The following ASIC3 variants were observed in gnomAD, a reference collection of about 807,000 sequenced individuals.
The protein encoded by ASIC3 is acid sensing ion channel subunit 3.
In ASIC3, 46 loss-of-function variants were observed where a neutral mutation model predicts 58.6. That is an observed-to-expected ratio of 0.79 (90% CI 0.62 to 1.00). The LOEUF (loss-of-function observed/expected upper bound fraction) is 1.00, where lower values mean the gene tolerates loss of function less well. Among genes scored for constraint, ASIC3 ranks in the 50% least tolerant of loss-of-function variants. The probability of loss-of-function intolerance (pLI) is 0.00; values close to 1 mark genes in which losing one functional copy is unlikely to be tolerated. For missense variants in ASIC3, 770 were observed against 735.0 expected (o/e 1.05, Z -0.55); for synonymous variants, 336 against 300.2 (o/e 1.12, Z -1.23).
In ASIC3 at chr7:151,049,103, A is replaced by T. The variant is rs537752884; in HGVS notation, c.218A>T (p.Gln73Leu). Reference sequence around the variant, plus strand: ...CGCTACTACAGGGAGTTCCACCACCAGACTGCCCTGGATGAGCGAGAAAGC... The same window carrying T: ...CGCTACTACAGGGAGTTCCACCACCTGACTGCCCTGGATGAGCGAGAAAGC... ...RVRYYREFHH[Q>L]TALDERESHR... Residue 73 changes from glutamine (Q) to leucine (L), a missense_variant, in exon 1 of 11, where the codon CAG (glutamine) becomes CTG (leucine). Gln to Leu is a moderately radical substitution (Grantham distance 113). Coordinates refer to ENST00000349064, the MANE Select transcript of ASIC3 (RefSeq NM_004769.4). The T allele has an allele frequency of 9.1e-5, 147 of 1,613,908 alleles. 2 individuals carry two copies. In the East Asian group the frequency reaches 3.1e-3, roughly 34 times the overall value.
In ASIC3 at chr7:151,052,440, C is replaced by G. The variant is rs374555174; in HGVS notation, c.1483C>G (p.Arg495Gly). The change falls in exon 10 of 11, where the codon CGA becomes GGA. Residue 495 changes from arginine (R) to glycine (G), a missense_variant. Physicochemically the swap from Arg to Gly is moderately radical, Grantham distance 125. Coordinates refer to ENST00000349064, the MANE Select transcript of ASIC3 (RefSeq NM_004769.4). This position sits in a 1 kb window ranked among gnomAD's most constrained non-coding sequence, Gnocchi z 5.0. ...NLLQEGLGSH[R>G]TQVPHLSLGP... ...GCTTCAGGAAGGGCTGGGCAGCCAT[C>G]GAACCCAAGTTCCCCACCTCAGCCT... 20 of 1,613,968 alleles carry G rather than the reference C, an allele frequency of 1.2e-5. No homozygotes were observed. In the East Asian group the frequency reaches 3.8e-4, roughly 31 times the overall value.
chr7:151,052,399 C>T lies in ASIC3; in HGVS notation c.1459-17C>T. 1 of 1,613,956 alleles carries T rather than the reference C, an allele frequency of 6.2e-7. No individual in the cohort carries two copies. The highest frequency in any genetic ancestry group is 1.1e-5 in the South Asian group (1 of 91,078). On this transcript the variant is annotated splice_polypyrimidine_tract_variant and intron_variant, in intron 9 of 10. Coordinates refer to ENST00000349064, the MANE Select transcript of ASIC3 (RefSeq NM_004769.4). This position sits in a 1 kb window ranked among gnomAD's most constrained non-coding sequence, Gnocchi z 5.0. Reference sequence around the variant, plus strand: ...GGAGGACCACTCCCCACCTCTGACCCTCTCGTCCTCACACAGCTTCAGGAA... The same window carrying T: ...GGAGGACCACTCCCCACCTCTGACCTTCTCGTCCTCACACAGCTTCAGGAA...
chr7:151,051,004 G>C (rs1396604096), intron 4 of ASIC3, 35 bp from the exon 5 acceptor site: 36 of 1,613,220 alleles, frequency 2.2e-5, no homozygotes, highest in Non-Finnish European at 3.0e-5. Context: ...AGGGAGCTGA[G>C]GCTGCTTCTA....
intron 6 of ASIC3, 105 bp from the exon 7 acceptor site, chr7:151,051,705 T>C: frequency 8.2e-7 from 1 of 1,219,014 alleles, no homozygotes; most frequent in Non-Finnish European, 1.2e-6. Flanking sequence ...GTGCCCGGCC[T>C]CTCCCAGGGT....
chr7:151,051,204 C>A lies in ASIC3; in HGVS notation c.1099C>A (p.Pro367Thr). 1 of 1,587,848 alleles carries A rather than the reference C, an allele frequency of 6.3e-7. No homozygotes were observed. The highest frequency in any genetic ancestry group is 2.3e-5 in the East Asian group (1 of 43,748). Residue 367 changes from proline (P) to threonine (T), a missense_variant, in exon 6 of 11, where the codon CCC becomes ACC. Transcript: ENST00000349064. ...AMLRKDSCAC[P>T]NPCASTRYAK... ...GCTTCGCAAGGACTCGTGCGCCTGC[C>A]CCAACCCGTGCGCCAGCACGCGCTA...
Position 151,050,958 on chromosome 7 carries a change from G to A in ASIC3, c.1009+5G>A, listed in dbSNP as rs918075869. ...GCCGAATGGTGTACATGCCAGGTGA[G>A]GGGCTGGGGTTTTCGTCCCATGGCG... On this transcript the variant is annotated splice_donor_5th_base_variant and intron_variant, in intron 4 of 10. Coordinates refer to ENST00000349064, the MANE Select transcript of ASIC3 (RefSeq NM_004769.4). 12 of 1,613,418 alleles carry A rather than the reference G, an allele frequency of 7.4e-6. No individual in the cohort carries two copies. The highest frequency in any genetic ancestry group is 3.3e-4 in the Middle Eastern group (2 of 6,046).
chr7:151,048,574 C>T lies in ASIC3; in HGVS notation c.-312C>T, dbSNP rs1028027461. On this transcript the variant is annotated 5_prime_UTR_variant, in exon 1 of 11. Transcript: ENST00000349064. ...TCAGCACCGCCGGCTCAGCACCGCT[C>T]CGCAGCCCCTGCCTGCCACGGTCAG... The T allele has an allele frequency of 2.5e-6, 1 of 394,824 alleles. No individual in the cohort carries two copies. Among genetic ancestry groups the T allele is most frequent in the South Asian group, 7.5e-5 (1 of 13,330 alleles). 24.5% of individuals were successfully genotyped at this position (394,824 alleles called of 1,614,324 possible).
In ASIC3 at chr7:151,052,634, C is replaced by G; in HGVS notation, c.1578C>G (p.Tyr526Ter). The G allele has an allele frequency of 1.2e-6, 2 of 1,614,132 alleles. No homozygotes were observed. The highest frequency in any genetic ancestry group is 1.7e-6 in the Non-Finnish European group (2 of 1,180,006). Residue 526 changes from tyrosine (Y) to a stop codon, truncating the protein, a stop_gained, in exon 11 of 11, where the codon TAC (tyrosine) becomes TAG (stop). Transcript: ENST00000349064. LOFTEE classifies it high-confidence loss of function. The surrounding 1 kb of genome is among the most constrained non-coding windows in gnomAD (Gnocchi z 5.0). ...TCTCCGCCTCCCACCGCACCTGCTA[C>G]CTTGTCACACAGCTCTAGACCTGCT... The part of the protein sequence containing the change: ...KTLSASHRTC[Y>*]LVTQL
chr7:151,048,956 G>A lies in ASIC3; in HGVS notation c.71G>A (p.Cys24Tyr), dbSNP rs761527177. Residue 24 changes from cysteine to tyrosine, a missense_variant, in exon 1 of 11, where the codon TGC becomes TAC. By Grantham distance (194) the Cys-to-Tyr change is radical. Transcript: ENST00000349064. ...GACATCCGCGTGTTCGCCAGCAACTGCTCGATGCACGGGCTGGGCCACGTC... is the reference window on the plus strand; with the variant it reads ...GACATCCGCGTGTTCGCCAGCAACTACTCGATGCACGGGCTGGGCCACGTC... ...ASDIRVFASNCSMHGLGHVFG... is the reference protein window; with the variant it reads ...ASDIRVFASNYSMHGLGHVFG... The A allele has an allele frequency of 6.3e-7, 1 of 1,595,020 alleles. No homozygotes were observed. Among genetic ancestry groups the A allele is most frequent in the South Asian group, 1.1e-5 (1 of 89,768 alleles).
Position 151,052,735 on chromosome 7 carries a change from A to G in ASIC3, c.*83A>G. 6.2e-7 allele frequency: 1 copy of G among 1,613,894 alleles called. No individual in the cohort carries two copies. Among genetic ancestry groups the G allele is most frequent in the Non-Finnish European group, 8.5e-7 (1 of 1,179,892 alleles). Reference sequence around the variant, plus strand: ...ACGTAGCTTTTCCGTCTTCACCCCAAATAAAGTCCTAATGCATCAGCCTCA... The same window carrying G: ...ACGTAGCTTTTCCGTCTTCACCCCAGATAAAGTCCTAATGCATCAGCCTCA... On this transcript the variant is annotated 3_prime_UTR_variant, in exon 11 of 11. Coordinates refer to ENST00000349064, the MANE Select transcript of ASIC3 (RefSeq NM_004769.4). The surrounding 1 kb of genome is among the most constrained non-coding windows in gnomAD (Gnocchi z 5.0).
rs1249770930 is a variant in ASIC3, at chr7:151,051,266, C to T, written c.1161C>T (p.Arg387=). 2 of 1,530,668 alleles carry T rather than the reference C, an allele frequency of 1.3e-6. No individual in the cohort carries two copies. The highest frequency in any genetic ancestry group is 2.4e-5 in the South Asian group (2 of 83,166). 94.8% of individuals were successfully genotyped at this position (1,530,668 alleles called of 1,614,324 possible). The change falls in exon 6 of 11, where the codon CGC becomes CGT. Residue 387 remains arginine, a synonymous_variant. Coordinates refer to ENST00000349064, the MANE Select transcript of ASIC3 (RefSeq NM_004769.4). ...KELSMVRIPS[R]AAARFLARKL... ...TCTCCATGGTGCGGATCCCGAGCCG[C>T]GCCGCCGCGCGCTTCCTGGCCCGGA...
chr7:151,049,656 G>A (rs570186016), intron 1 of ASIC3, among the ~76,000 whole-genome samples: 11 of 152,332 alleles, frequency 7.2e-5, no homozygotes, highest in East Asian at 3.9e-4. Flanking sequence ...CACTGACCCC[G>A]GCTGGCCCTA....
chr7:151,051,874 A>G lies in ASIC3; in HGVS notation c.1279A>G (p.Lys427Glu), dbSNP rs745862920. ...ALNYETVEQKKAYEMSELLGD... is the reference protein window; with the variant it reads ...ALNYETVEQKEAYEMSELLGD... ...CAACTATGAGACCGTGGAGCAGAAGAAGGCCTATGAGATGTCAGAGCTGCT... is the reference window on the plus strand; with the variant it reads ...CAACTATGAGACCGTGGAGCAGAAGGAGGCCTATGAGATGTCAGAGCTGCT... The change falls in exon 7 of 11, where the codon AAG becomes GAG. Residue 427 changes from lysine to glutamate, a missense_variant. Lys to Glu is a moderately conservative substitution (Grantham distance 56). Coordinates refer to ENST00000349064, the MANE Select transcript of ASIC3 (RefSeq NM_004769.4). The G allele has an allele frequency of 1.5e-5, 24 of 1,613,742 alleles. No individual in the cohort carries two copies. Among genetic ancestry groups the G allele is most frequent in the Non-Finnish European group, 1.9e-5 (23 of 1,179,930 alleles).
In ASIC3 at chr7:151,052,535, G is replaced by C. The variant is rs778369843; in HGVS notation, c.1518-39G>C. 6.2e-7 allele frequency: 1 copy of C among 1,613,654 alleles called. No individual in the cohort carries two copies. The highest frequency in any genetic ancestry group is 8.5e-7 in the Non-Finnish European group (1 of 1,179,784). On this transcript the variant is annotated intron_variant, in intron 10 of 10. Transcript: ENST00000349064. The surrounding 1 kb of genome is among the most constrained non-coding windows in gnomAD (Gnocchi z 5.0). Reference sequence around the variant, plus strand: ...CAGGGGCAGGCTCAGGACAGTGGGTGTGCCCGTTCCCACCCCAGCACTCTG... The same window carrying C: ...CAGGGGCAGGCTCAGGACAGTGGGTCTGCCCGTTCCCACCCCAGCACTCTG...
At position 151,049,243 on chromosome 7, in the gene ASIC3, G is replaced by A. The variant is rs370369500; in HGVS notation, c.358G>A (p.Ala120Thr). The A allele has an allele frequency of 3.4e-5, 54 of 1,611,936 alleles. No individual in the cohort carries two copies. The highest frequency in any genetic ancestry group is 9.3e-5 in the African/African-American group (7 of 75,008). The change falls in exon 1 of 11, where the codon GCA (alanine) becomes ACA (threonine). Residue 120 changes from alanine (A) to threonine (T), a missense_variant. Coordinates refer to ENST00000349064, the MANE Select transcript of ASIC3 (RefSeq NM_004769.4). Reference sequence around the variant, plus strand: ...GTCTGCGCTGCTGGGCCTGGATCCCGCAGAGCACGCCGCCTTCCTGCGCGC... The same window carrying A: ...GTCTGCGCTGCTGGGCCTGGATCCCACAGAGCACGCCGCCTTCCTGCGCGC... Reference protein sequence around the residue: ...AGSALLGLDPAEHAAFLRALG... With the variant: ...AGSALLGLDPTEHAAFLRALG...
chr7:151,050,487 C>T lies in ASIC3; in HGVS notation c.692C>T (p.Thr231Ile), dbSNP rs780246837. 1 of 1,613,806 alleles carries T rather than the reference C, an allele frequency of 6.2e-7. No homozygotes were observed. The highest frequency in any genetic ancestry group is 2.2e-5 in the East Asian group (1 of 44,874). The change falls in exon 3 of 11, where the codon ACC (threonine) becomes ATC (isoleucine). Residue 231 changes from threonine (T) to isoleucine (I), a missense_variant. Coordinates refer to ENST00000349064, the MANE Select transcript of ASIC3 (RefSeq NM_004769.4). ...ACAGGTCCCTCCCCGACAGAGGAGACCCCGTTTGAGGTGGGGATCCGAGTG... is the reference window on the plus strand; with the variant it reads ...ACAGGTCCCTCCCCGACAGAGGAGATCCCGTTTGAGGTGGGGATCCGAGTG... ...YLPVWRDNEE[T>I]PFEVGIRVQI... is the part of the protein sequence containing the mutation.
At position 151,049,237 on chromosome 7, in the gene ASIC3, G is replaced by C. The variant is rs1464537036; in HGVS notation, c.352G>C (p.Asp118His). ...GGCTGGGTCTGCGCTGCTGGGCCTGGATCCCGCAGAGCACGCCGCCTTCCT... is the reference window on the plus strand; with the variant it reads ...GGCTGGGTCTGCGCTGCTGGGCCTGCATCCCGCAGAGCACGCCGCCTTCCT... The part of the protein sequence containing the change: ...HWAGSALLGL[D>H]PAEHAAFLRA... The change falls in exon 1 of 11, where the codon GAT becomes CAT. Residue 118 changes from aspartate to histidine, a missense_variant. Transcript: ENST00000349064. The C allele has an allele frequency of 6.2e-7, 1 of 1,611,818 alleles. No individual in the cohort carries two copies. The highest frequency in any genetic ancestry group is 8.5e-7 in the Non-Finnish European group (1 of 1,179,090).
rs1272747109 is a variant in ASIC3, at chr7:151,051,293, G to A, written c.1188G>A (p.Lys396=). ...CCGCCGCGCGCTTCCTGGCCCGGAA[G>A]CTCAACCGCAGCGAGGCCTACATCG... ...SRAAARFLAR[K]LNRSEAYIAE... The change falls in exon 6 of 11, where the codon AAG becomes AAA. Residue 396 remains lysine (K), a synonymous_variant. Coordinates refer to ENST00000349064, the MANE Select transcript of ASIC3 (RefSeq NM_004769.4). 2.3e-5 allele frequency: 35 copies of A among 1,523,056 alleles called. No individual in the cohort carries two copies. Among genetic ancestry groups the A allele is most frequent in the Non-Finnish European group, 3.0e-5 (34 of 1,143,528 alleles). The allele number at this position is 1,523,056 out of a possible 1,614,324, so 94.3% of individuals were successfully genotyped here. A position where few individuals can be genotyped will look rare whatever the true frequency, so the allele number is the denominator to read the frequency against.
Position 151,051,112 on chromosome 7 carries a change from C to T in ASIC3, c.1066+17C>T, listed in dbSNP as rs368418085. 19 of 1,608,226 alleles carry T rather than the reference C, an allele frequency of 1.2e-5. No homozygotes were observed. Among genetic ancestry groups the T allele is most frequent in the African/African-American group, 2.7e-5 (2 of 74,842 alleles). On this transcript the variant is annotated intron_variant, in intron 5 of 10. Transcript: ENST00000349064. ...CGGCCATAGGTAAGGGCGAGCCTCC[C>T]CCACCTCCCGTCCGCCCCGCTCCGC...
Sources: allele counts gnomAD v4.1 joint callset (sites outside exome capture counted in the v4.1 genomes callset), GRCh38; gene constraint gnomAD v4.1.1; non-coding constraint Gnocchi (gnomAD v3.1); transcripts MANE v1.5; gene names NCBI Gene and HGNC (gene_info 2026-07-23, HGNC 2026-07-21).